Variants in WDR7 observed in about 807,000 individuals in gnomAD.
The protein encoded by WDR7 is WD repeat-containing protein 7.
In WDR7, 46 loss-of-function variants were observed where a neutral mutation model predicts 169.4. That is an observed-to-expected ratio of 0.27 (90% confidence interval 0.21 to 0.35). The LOEUF (loss-of-function observed/expected upper bound fraction) is 0.35. Ranked by LOEUF, WDR7 falls within the 10% of genes least tolerant of loss-of-function variation. The probability of loss-of-function intolerance (pLI) is 1.00; values close to 1 mark genes in which losing one functional copy is unlikely to be tolerated. For missense variants in WDR7, 1,534 were observed against 1,859.3 expected (o/e 0.83, Z 3.22); for synonymous variants, 612 against 666.8 (o/e 0.92, Z 1.27).
At chr18:56,711,466 T>C (rs1434185145) in intron 12 of WDR7, among the ~76,000 whole-genome samples, 1 of 152,128 alleles carries the variant, frequency 6.6e-6, no homozygotes, top group East Asian at 1.9e-4. Flanking sequence ...ATTAAATCCT[T>C]CATATTTCTT....
chr18:56,815,472 T>C (rs2044949047), intron 19 of WDR7, among the ~76,000 whole-genome samples: 1 of 152,230 alleles, frequency 6.6e-6, no homozygotes, highest in Non-Finnish European at 1.5e-5. Flanking sequence ...TCTTTGCCTG[T>C]CTGCTTTCAG....
chr18:56,953,417 A>G (rs1289297927), intron 25 of WDR7, among the ~76,000 whole-genome samples: 3 of 152,270 alleles, frequency 2.0e-5, no homozygotes, highest in Non-Finnish European at 4.4e-5. Flanking sequence ...AAAATTAGAA[A>G]AAAACAAGCC....
chr18:56,898,403 G>C (rs546580020), intron 21 of WDR7, among the ~76,000 whole-genome samples: 1 of 152,134 alleles, frequency 6.6e-6, no homozygotes, highest in East Asian at 1.9e-4. Flanking sequence ...GTTAAAATCA[G>C]TATATTTAAC....
intron 26 of WDR7, among the ~76,000 whole-genome samples, chr18:56,992,579 A>G (rs2047833645): frequency 6.6e-6 from 1 of 152,228 alleles, no homozygotes; most frequent in African/African-American, 2.4e-5. Flanking sequence ...AATTAGGAGT[A>G]TGAATTGGAA....
intron 3 of WDR7, among the ~76,000 whole-genome samples, chr18:56,680,922 T>A (rs2025339469): frequency 6.6e-6 from 1 of 152,260 alleles, no homozygotes; most frequent in South Asian, 2.1e-4. Context: ...GCCTCTACTC[T>A]GCTTCACTGT....
intron 20 of WDR7, among the ~76,000 whole-genome samples, chr18:56,857,664 G>A (rs2145396178): frequency 6.6e-6 from 1 of 152,218 alleles, no homozygotes; most frequent in African/African-American, 2.4e-5. Context: ...ATGTGTGTGT[G>A]CATGTGTGTA....
chr18:56,861,555 G>A (rs1477295145), intron 20 of WDR7, among the ~76,000 whole-genome samples: 3 of 152,150 alleles, frequency 2.0e-5, no homozygotes, highest in Non-Finnish European at 4.4e-5. Flanking sequence ...CAGAGCAGTC[G>A]AGTATTGAGC....
intron 26 of WDR7, among the ~76,000 whole-genome samples, chr18:56,964,410 G>T (rs1357580958): frequency 6.6e-6 from 1 of 151,846 alleles, no homozygotes; most frequent in African/African-American, 2.4e-5. Context: ...TCTGTCTGTT[G>T]CCCAGGCTAG....
At chr18:56,793,707 G>A (rs995395987) in intron 19 of WDR7, among the ~76,000 whole-genome samples, 2 of 152,170 alleles carry the variant, frequency 1.3e-5, no homozygotes, top group African/African-American at 2.4e-5. Flanking sequence ...ATGGTAAAAA[G>A]CAGAAACATT....
chr18:56,670,414 G>T (rs2144511003), intron 1 of WDR7, among the ~76,000 whole-genome samples: 1 of 152,248 alleles, frequency 6.6e-6, no homozygotes, highest in South Asian at 2.1e-4. Flanking sequence ...TCGCCAACTA[G>T]CTAGAGAAAT....
chr18:57,008,956 C>A (rs892088351), intron 26 of WDR7, among the ~76,000 whole-genome samples: 3 of 152,204 alleles, frequency 2.0e-5, no homozygotes, highest in South Asian at 2.1e-4. Context: ...TACAAATAAG[C>A]AAATCAGAAA....
At chr18:56,689,976 CT>C (rs2063932812) in intron 7 of WDR7, among the ~76,000 whole-genome samples, 1 of 151,958 alleles carries the variant, frequency 6.6e-6, no homozygotes, top group African/African-American at 2.4e-5. Context: ...AACTTCAAGG[CT>C]GTATACAAGC....
intron 26 of WDR7, among the ~76,000 whole-genome samples, chr18:56,966,173 G>A (rs2047405801): frequency 1.3e-5 from 2 of 152,122 alleles, no homozygotes; most frequent in Non-Finnish European, 2.9e-5. Context: ...TATAACCAAG[G>A]AGCAGGGTGG....
chr18:56,781,731 T>C (rs2044321537), intron 19 of WDR7, 75 bp downstream of exon 19: 1 of 1,343,362 alleles, frequency 7.4e-7, no homozygotes, highest in Non-Finnish European at 9.7e-7. Flanking sequence ...CAAATATATA[T>C]GCTACTACCC....
chr18:56,851,573 C>T (rs999473030), intron 20 of WDR7, among the ~76,000 whole-genome samples: 1 of 152,148 alleles, frequency 6.6e-6, no homozygotes, highest in South Asian at 2.1e-4. Context: ...CCTACCAAAG[C>T]ACCCAGCCCA....
intron 21 of WDR7, among the ~76,000 whole-genome samples, chr18:56,891,108 G>C (rs993972523): frequency 1.3e-5 from 2 of 152,116 alleles, no homozygotes; most frequent in African/African-American, 4.8e-5. Context: ...TTTAAATTGA[G>C]TATTTTATGG....
intron 1 of WDR7, among the ~76,000 whole-genome samples, chr18:56,657,023 T>C (rs2024790760): frequency 6.6e-6 from 1 of 152,210 alleles, no homozygotes; most frequent in African/African-American, 2.4e-5. Context: ...TGTGTTCTAC[T>C]AGACAGAAAT....
chr18:56,671,291 GTTT>G (rs57573854), intron 1 of WDR7, among the ~76,000 whole-genome samples: 30 of 118,914 alleles, frequency 2.5e-4, no homozygotes, highest in Admixed American at 4.4e-4. Flanking sequence ...TGAGCAAAGT[GTTT>G]TTTTTTTTTT....
chr18:56,805,903 C>T (rs1333198327), intron 19 of WDR7, among the ~76,000 whole-genome samples: 1 of 152,072 alleles, frequency 6.6e-6, no homozygotes, highest in Non-Finnish European at 1.5e-5. Context: ...CATTGCCTAC[C>T]TCTTCTCACA....
Sources: gnomAD v4.1 joint callset for allele counts (sites outside exome capture counted in the v4.1 genomes callset) on GRCh38, gnomAD v4.1.1 for gene constraint, MANE v1.5 for transcripts, NCBI Gene and HGNC (gene_info 2026-07-23, HGNC 2026-07-21) for gene names.